The following PAK3 variants were observed in gnomAD, a reference collection of about 807,000 sequenced individuals.
PAK3 encodes serine/threonine-protein kinase PAK 3.
Under a neutral mutation model 41.0 loss-of-function variants are expected in PAK3, and 4 were observed. The observed-to-expected ratio is 0.10, with a 90% CI of 0.05 to 0.22. The LOEUF is 0.22. PAK3 is among the 10% of genes least tolerant of loss of function. The pLI is 1.00. For synonymous variants in PAK3, 146 were observed against 139.6 expected (o/e 1.05, Z -0.32); for missense variants, 205 against 409.9 (o/e 0.50, Z 4.32).
At chrX:111,057,584 A>G (rs1366392994) in intron 1 of PAK3, among the ~76,000 whole-genome samples, 1 of 112,006 alleles carries the variant, frequency 8.9e-6, no homozygotes, top group Non-Finnish European at 1.9e-5. Context: ...TCCAGTTAAC[A>G]TTCAAATTTC....
intron 3 of PAK3, among the ~76,000 whole-genome samples, chrX:111,102,107 G>T (rs182566311): frequency 9.0e-6 from 1 of 111,568 alleles, no homozygotes; most frequent in East Asian, 2.8e-4. Flanking sequence ...TTTCTTTGAG[G>T]ACAAACACCA....
At chrX:110,945,970 G>A (rs1009268779) in intron 1 of PAK3, among the ~76,000 whole-genome samples, 1 of 111,958 alleles carries the variant, frequency 8.9e-6, no homozygotes, top group Non-Finnish European at 1.9e-5. Flanking sequence ...AGTATTGAAA[G>A]TATATAAATG....
chrX:110,978,408 T>G (rs1174860769), intron 1 of PAK3, among the ~76,000 whole-genome samples: 3 of 111,389 alleles, frequency 2.7e-5, no homozygotes, highest in Non-Finnish European at 5.7e-5. Context: ...AATGTTAGAT[T>G]TTATCAATTG....
intron 16 of PAK3, among the ~76,000 whole-genome samples, chrX:111,215,521 A>G (rs1321609820): frequency 9.1e-6 from 1 of 109,971 alleles, no homozygotes; most frequent in Non-Finnish European, 1.9e-5. Flanking sequence ...CCTGGGCAAC[A>G]GAGCAAGATT....
Position 111,216,537 on chromosome X carries a change from A to G in PAK3, c.1524A>G (p.Gly508=). 8.3e-7 allele frequency: 1 copy of G among 1,203,388 alleles called. No homozygotes were observed. The highest frequency in any genetic ancestry group is 1.8e-5 in the South Asian group (1 of 56,795). The change falls in exon 17 of 18, where the codon GGA becomes GGG. Residue 508 remains glycine (G), a synonymous_variant. Coordinates refer to ENST00000372007, the MANE Select transcript of PAK3 (RefSeq NM_002578.5). ...TTGAGATGGATGTGGATAGGCGAGG[A>G]TCTGCCAAGGAGCTTTTGCAGGTGA... is the stretch of plus-strand genomic sequence containing the variant. ...RCLEMDVDRR[G]SAKELLQHPF... is the part of the protein sequence containing the mutation.
rs192389066 is a variant in PAK3 at position 111,217,570 on chromosome X, G to A, written c.1545+1012G>A. 55 of 959,841 alleles carry A rather than the reference G, an allele frequency of 5.7e-5. No homozygotes were observed. The East Asian group carries it at 1.6e-3, about 28-fold the overall frequency. The allele number at this position is 959,841 out of a possible 1,213,427, so 79.1% of individuals were successfully genotyped here. Reference sequence around the variant, plus strand: ...CTTCCAGAGACAGAGCTGCACCCAGGCAAAAACTATCCCACCCTAACTCAG... The same window carrying A: ...CTTCCAGAGACAGAGCTGCACCCAGACAAAAACTATCCCACCCTAACTCAG... On this transcript the variant is annotated intron_variant, in intron 17 of 17. Coordinates refer to ENST00000372007, the MANE Select transcript of PAK3 (RefSeq NM_002578.5).
intron 8 of PAK3, among the ~76,000 whole-genome samples, chrX:111,160,157 AAAAAC>A (rs983978213): frequency 8.0e-5 from 9 of 112,058 alleles, no homozygotes; most frequent in South Asian, 3.7e-4. Flanking sequence ...ATAAATACAC[AAAAAC>A]AAAACAAAAC....
chrX:111,025,095 A>G (rs2092249548), intron 1 of PAK3, among the ~76,000 whole-genome samples: 1 of 111,382 alleles, frequency 9.0e-6, no homozygotes, highest in African/African-American at 3.3e-5. Context: ...TAATTATTTG[A>G]ACTGAACAAT....
In PAK3 at chrX:111,205,468, G is replaced by A. The variant is rs1314999458; in HGVS notation, c.1407+8828G>A. The stretch of plus-strand genomic sequence containing the variant: ...AGTCTCTATGAGTACTTTCAGAGGA[G>A]TGGTATTCAGAAAGCAGCTTGGAGA... On this transcript the variant is annotated intron_variant, in intron 16 of 17. Transcript: ENST00000372007. Among the ~76,000 whole-genome samples, 7 of 110,889 alleles carry A rather than the reference G, an allele frequency of 6.3e-5. No individual in the cohort carries two copies. The South Asian group carries it at 2.7e-3, about 43-fold the overall frequency.
At chrX:111,078,133 G>T (rs754305227) in intron 1 of PAK3, among the ~76,000 whole-genome samples, 13 of 111,862 alleles carry the variant, frequency 1.2e-4, no homozygotes, top group Non-Finnish European at 2.4e-4. Context: ...TTGTTAGAAT[G>T]ACTATTATCA....
intron 5 of PAK3, among the ~76,000 whole-genome samples, chrX:111,132,648 C>G (rs1274359944): frequency 9.0e-6 from 1 of 111,496 alleles, no homozygotes; most frequent in Non-Finnish European, 1.9e-5. Context: ...GGGTATCCAG[C>G]CAATGCACAA....
In PAK3 at chrX:111,017,852, G is replaced by T. The variant is rs773340965; in HGVS notation, c.-28+73224G>T. On this transcript the variant is annotated intron_variant, in intron 1 of 14. Coordinates refer to the PAK3 transcript ENST00000425146. ...ATCCTCAGCAAAATACTAGCAAATA[G>T]AATTCAATAGCATATTAAAAGGGTT... is the stretch of plus-strand genomic sequence containing the variant. 1.2e-3 allele frequency among the ~76,000 whole-genome samples: 128 copies of T among 111,180 alleles called. 1 individual carries two copies. The highest frequency in any genetic ancestry group is 4.1e-3 in the African/African-American group (126 of 30,714).
intron 6 of PAK3, chrX:111,144,973 T>C: frequency 4.3e-6 from 3 of 702,771 alleles, no homozygotes; most frequent in Non-Finnish European, 6.6e-6. Flanking sequence ...ATGCTTGGCC[T>C]GTTATATCGT....
intron 4 of PAK3, among the ~76,000 whole-genome samples, chrX:111,117,169 C>T (rs2093480130): frequency 9.0e-6 from 1 of 111,629 alleles, no homozygotes; most frequent in African/African-American, 3.3e-5. Flanking sequence ...ATGGGAAAAG[C>T]CATTTGAAAT....
chrX:111,012,670 T>C (rs753729315), intron 1 of PAK3, among the ~76,000 whole-genome samples: 1 of 112,775 alleles, frequency 8.9e-6, no homozygotes, highest in South Asian at 3.7e-4. Context: ...GAATTACTTT[T>C]GCAAAAGTAT....
chrX:111,109,463 A>T (rs758234755), intron 4 of PAK3, among the ~76,000 whole-genome samples: 1 of 112,039 alleles, frequency 8.9e-6, no homozygotes, highest in Non-Finnish European at 1.9e-5. Context: ...ACTCAAGACG[A>T]TGAGTGAAAA....
At chrX:111,060,124 AT>A (rs763683331) in intron 1 of PAK3, among the ~76,000 whole-genome samples, 4 of 110,835 alleles carry the variant, frequency 3.6e-5, no homozygotes, top group East Asian at 2.8e-4. Context: ...TGTTTGTTGA[AT>A]TTTTTTTATC....
chrX:111,047,948 C>G (rs1482409980), intron 1 of PAK3, among the ~76,000 whole-genome samples: 1 of 111,770 alleles, frequency 8.9e-6, no homozygotes, highest in African/African-American at 3.3e-5. Flanking sequence ...TGCATACTCT[C>G]TTTCTATTTC....
At chrX:111,118,327 A>T (rs2093504176) in intron 4 of PAK3, among the ~76,000 whole-genome samples, 1 of 111,408 alleles carries the variant, frequency 9.0e-6, no homozygotes, top group Non-Finnish European at 1.9e-5. Flanking sequence ...TTTCCCAGTC[A>T]AGTCTATGCC....
Sources: gnomAD v4.1 joint callset for allele counts (sites outside exome capture counted in the v4.1 genomes callset) on GRCh38, gnomAD v4.1.1 for gene constraint, MANE v1.5 for transcripts, NCBI Gene and HGNC (gene_info 2026-07-23, HGNC 2026-07-21) for gene names.